The following MINDY3 variants were observed in gnomAD, a reference collection of about 807,000 sequenced individuals.
MINDY3 encodes the protein ubiquitin carboxyl-terminal hydrolase MINDY-3.
A neutral mutation model predicts 69.2 loss-of-function variants in MINDY3; 38 were observed. That is an observed-to-expected ratio of 0.55 (90% CI 0.42 to 0.72). MINDY3 has a LOEUF of 0.72. MINDY3 is among the 30% of genes least tolerant of loss of function. The probability of loss-of-function intolerance (pLI) is 0.00; values close to 1 mark genes in which losing one functional copy is unlikely to be tolerated. For synonymous variants in MINDY3, 192 were observed against 180.1 expected (o/e 1.07, Z -0.53); for missense variants, 522 against 519.0 (o/e 1.01, Z -0.06).
At chr10:15,805,736 G>C (rs865857984) in intron 10 of MINDY3, among the ~76,000 whole-genome samples, 1 of 152,216 alleles carries the variant, frequency 6.6e-6, no homozygotes, top group Non-Finnish European at 1.5e-5. Context: ...CCACTATCTG[G>C]TTTGGCCAGA....
chr10:15,843,083 T>C lies in MINDY3; in HGVS notation c.235+129A>G, dbSNP rs144636934. ...TATGGAGTCACTGTTCATGAAACTT[T>C]CTAAAACATTTTAAAAGGAAACCTC... On this transcript the variant is annotated intron_variant, in intron 3 of 14. Coordinates refer to ENST00000277632, the MANE Select transcript of MINDY3 (RefSeq NM_024948.4). 6.2e-4 allele frequency: 471 copies of C among 758,434 alleles called. 3 individuals carry two copies. The African/African-American group carries it at 6.4e-3, about 10-fold the overall frequency. The allele number at this position is 758,434 out of a possible 1,614,324, so 47.0% of individuals were successfully genotyped here. A position where few individuals can be genotyped will look rare whatever the true frequency, so the allele number is the denominator to read the frequency against.
At chr10:15,815,765 C>T (rs1285981246) in intron 10 of MINDY3, among the ~76,000 whole-genome samples, 1 of 152,076 alleles carries the variant, frequency 6.6e-6, no homozygotes, top group Non-Finnish European at 1.5e-5. Flanking sequence ...AGCCTGACAA[C>T]AATTCTAAAA....
At chr10:15,802,485 C>T (rs1471524784) in intron 10 of MINDY3, among the ~76,000 whole-genome samples, 3 of 152,018 alleles carry the variant, frequency 2.0e-5, no homozygotes, top group African/African-American at 7.2e-5. Context: ...AACTCACTAT[C>T]AGAAGAACAG....
intron 10 of MINDY3, among the ~76,000 whole-genome samples, chr10:15,806,388 A>G (rs1192191323): frequency 6.6e-6 from 1 of 152,170 alleles, no homozygotes; most frequent in African/African-American, 2.4e-5. Flanking sequence ...CTCAATACCA[A>G]TAATTTAATC....
chr10:15,809,157 A>G (rs1838831210), intron 10 of MINDY3, among the ~76,000 whole-genome samples: 1 of 152,188 alleles, frequency 6.6e-6, no homozygotes, highest in Non-Finnish European at 1.5e-5. Flanking sequence ...ATAAAAATAA[A>G]AGATGAAGAA....
At chr10:15,801,815 G>T (rs111365619) in intron 10 of MINDY3, among the ~76,000 whole-genome samples, 1 of 151,950 alleles carries the variant, frequency 6.6e-6, no homozygotes, top group African/African-American at 2.4e-5. Flanking sequence ...TTGTGCATGA[G>T]TTCATAGGAT....
chr10:15,779,079 ATCTG>A lies in MINDY3; in HGVS notation c.1247_1250del (p.Thr416MetfsTer28). 6.2e-7 allele frequency: 1 copy of A among 1,613,602 alleles called. No individual in the cohort carries two copies. The highest frequency in any genetic ancestry group is 1.7e-4 in the Middle Eastern group (1 of 6,060). ...GCAGACAGCGTTTAATAGGAGTGTC[ATCTG>A]TCTGTAGCATGGGATCTTCAAAACC... On this transcript the variant is annotated frameshift_variant, in exon 15 of 15. Transcript: ENST00000277632. LOFTEE classifies it high-confidence loss of function.
At chr10:15,823,661 T>C (rs1157427941) in intron 8 of MINDY3, among the ~76,000 whole-genome samples, 1 of 152,142 alleles carries the variant, frequency 6.6e-6, no homozygotes, top group East Asian at 1.9e-4. Context: ...CAAGCCAGGG[T>C]ATGAAGAGTA....
At position 15,821,736 on chromosome 10, in the gene MINDY3, A is replaced by G. The variant is rs1346967542; in HGVS notation, c.731-10T>C. 6 of 1,565,308 alleles carry G rather than the reference A, an allele frequency of 3.8e-6. No homozygotes were observed. Among genetic ancestry groups the G allele is most frequent in the Non-Finnish European group, 5.2e-6 (6 of 1,158,950 alleles). ...TGTATACCAAGAAGTTCTGCAAAAA[A>G]CAACAACAACAACAAAAAACGAAAA... On this transcript the variant is annotated splice_polypyrimidine_tract_variant and intron_variant, in intron 8 of 14. Coordinates refer to ENST00000277632, the MANE Select transcript of MINDY3 (RefSeq NM_024948.4).
At chr10:15,849,982 G>A (rs1368867573) in intron 1 of MINDY3, among the ~76,000 whole-genome samples, 1 of 152,130 alleles carries the variant, frequency 6.6e-6, no homozygotes, top group Admixed American at 6.5e-5. Flanking sequence ...TAGGGACCCT[G>A]AATGGAGGGA....
At chr10:15,859,025 G>A (rs1309759700) in intron 1 of MINDY3, among the ~76,000 whole-genome samples, 1 of 152,146 alleles carries the variant, frequency 6.6e-6, no homozygotes, top group East Asian at 1.9e-4. Context: ...GAGAGACCTG[G>A]AATCCACTCC....
At chr10:15,851,481 C>G (rs953473970) in intron 1 of MINDY3, among the ~76,000 whole-genome samples, 14 of 151,848 alleles carry the variant, frequency 9.2e-5, no homozygotes, top group African/African-American at 3.1e-4. Context: ...GTCTCTTACC[C>G]CTTGTAAATG....
intron 1 of MINDY3, among the ~76,000 whole-genome samples, chr10:15,853,244 G>A (rs536308507): frequency 6.6e-6 from 1 of 152,040 alleles, no homozygotes; most frequent in South Asian, 2.1e-4. Context: ...AGGTCTCCAA[G>A]TCCTGAAAAA....
intron 11 of MINDY3, 83 bp downstream of exon 11, chr10:15,796,017 C>G (rs1588528364): frequency 2.0e-6 from 2 of 1,020,716 alleles, no homozygotes; most frequent in East Asian, 4.8e-5. Flanking sequence ...TCCAATATAT[C>G]TTTTGAATAA....
intron 1 of MINDY3, among the ~76,000 whole-genome samples, chr10:15,853,682 A>G (rs1024985866): frequency 4.6e-5 from 7 of 152,098 alleles, no homozygotes; most frequent in African/African-American, 1.7e-4. Context: ...GTCAAAAGTT[A>G]TCTCAAGGAA....
At chr10:15,827,532 G>A (rs191907426) in intron 8 of MINDY3, among the ~76,000 whole-genome samples, 22 of 147,616 alleles carry the variant, frequency 1.5e-4, no homozygotes, top group Admixed American at 3.4e-4. Flanking sequence ...GACAGAGTGA[G>A]ACTCCGTCTC....
At chr10:15,798,172 T>C (rs980798258) in intron 10 of MINDY3, among the ~76,000 whole-genome samples, 1 of 152,162 alleles carries the variant, frequency 6.6e-6, no homozygotes, top group African/African-American at 2.4e-5. Flanking sequence ...TAAGTATTAT[T>C]TAAAACTATG....
At chr10:15,836,411 T>C (rs972910292) in intron 6 of MINDY3, among the ~76,000 whole-genome samples, 1 of 152,038 alleles carries the variant, frequency 6.6e-6, no homozygotes, top group Non-Finnish European at 1.5e-5. Flanking sequence ...AATGTGCCAT[T>C]TTTTTACAAT....
chr10:15,784,243 T>TCTGCTA (rs1836778327), intron 13 of MINDY3, among the ~76,000 whole-genome samples: 1 of 152,216 alleles, frequency 6.6e-6, no homozygotes, highest in Admixed American at 6.5e-5. Context: ...GGGAGCTGCT[T>TCTGCTA]CTGCTATTCT....
Sources: gnomAD v4.1 joint callset for allele counts (sites outside exome capture counted in the v4.1 genomes callset) on GRCh38, gnomAD v4.1.1 for gene constraint, MANE v1.5 for transcripts, NCBI Gene and HGNC (gene_info 2026-07-23, HGNC 2026-07-21) for gene names.